The following ASIC2 variants were observed in gnomAD, a reference collection of about 807,000 sequenced individuals.
ASIC2 encodes acid-sensing ion channel 2.
ASIC2 carries 25 observed loss-of-function variants against 57.3 expected under a neutral mutation model. That is an observed-to-expected ratio of 0.44 (90% CI 0.32 to 0.61). The LOEUF is 0.61. ASIC2 is among the 20% of genes least tolerant of loss of function. ASIC2 has a pLI of 0.06. For missense variants in ASIC2, 641 were observed against 738.1 expected (o/e 0.87, Z 1.52); for synonymous variants, 319 against 307.5 (o/e 1.04, Z -0.39).
At chr17:33,774,078 C>T (rs971551322) in intron 1 of ASIC2, among the ~76,000 whole-genome samples, 1 of 152,154 alleles carries the variant, frequency 6.6e-6, no homozygotes, top group African/African-American at 2.4e-5. Flanking sequence ...TTAAATGTCA[C>T]CCAGACAGTA....
intron 8 of ASIC2, among the ~76,000 whole-genome samples, chr17:33,017,024 G>A (rs150198796): frequency 4.3e-4 from 65 of 152,302 alleles, no homozygotes; most frequent in Middle Eastern, 3.4e-3. Context: ...CAGAGGCCTC[G>A]TTCCAGCTGC....
intron 1 of ASIC2, among the ~76,000 whole-genome samples, chr17:34,149,313 C>G (rs993985300): frequency 6.6e-6 from 1 of 151,866 alleles, no homozygotes; most frequent in East Asian, 1.9e-4. Flanking sequence ...TACTATATTG[C>G]CCAGGTTTCT....
chr17:33,715,029 T>C lies in ASIC2; in HGVS notation c.555+440949A>G, dbSNP rs369286734. Among the ~76,000 whole-genome samples, 240 of 148,960 alleles carry C rather than the reference T, an allele frequency of 1.6e-3. 1 individual carries two copies. The highest frequency in any genetic ancestry group is 0.01 in the Middle Eastern group (3 of 286). On this transcript the variant is annotated intron_variant, in intron 1 of 9. Coordinates refer to the ASIC2 transcript ENST00000359872. ...TTATTATTATTTTGAGTCAGGGTTCTCTCTCTGTCACTTTGTCTGAAGTGC... is the reference window on the plus strand; with the variant it reads ...TTATTATTATTTTGAGTCAGGGTTCCCTCTCTGTCACTTTGTCTGAAGTGC...
chr17:33,709,113 C>T (rs1908948865), intron 1 of ASIC2, among the ~76,000 whole-genome samples: 1 of 152,180 alleles, frequency 6.6e-6, no homozygotes, highest in Non-Finnish European at 1.5e-5. Context: ...TCTGGGTCTC[C>T]ATGGAATCCA....
intron 1 of ASIC2, among the ~76,000 whole-genome samples, chr17:33,596,900 G>T (rs575821141): frequency 6.6e-6 from 1 of 152,366 alleles, no homozygotes; most frequent in East Asian, 1.9e-4. Context: ...GAGTACTCCA[G>T]AGAGGTTTAG....
chr17:33,086,400 C>T (rs957471364), intron 3 of ASIC2, among the ~76,000 whole-genome samples: 1 of 152,280 alleles, frequency 6.6e-6, no homozygotes, highest in Non-Finnish European at 1.5e-5. Flanking sequence ...ATTCAACAAG[C>T]CACAAAGTCA....
chr17:33,350,687 AAAAGAAAG>A (rs55667206), intron 1 of ASIC2, among the ~76,000 whole-genome samples: 1 of 145,556 alleles, frequency 6.9e-6, no homozygotes, highest in Admixed American at 6.9e-5. Flanking sequence ...GTGAGAAAAA[AAAAGAAAG>A]AAAGAAAGAA....
At chr17:33,471,033 C>T (rs963564143) in intron 1 of ASIC2, among the ~76,000 whole-genome samples, 2 of 152,172 alleles carry the variant, frequency 1.3e-5, no homozygotes, top group African/African-American at 2.4e-5. Context: ...AGCAAAGATA[C>T]GGTTTGGTCA....
intron 1 of ASIC2, among the ~76,000 whole-genome samples, chr17:33,423,135 A>G (rs899012604): frequency 1.4e-4 from 21 of 152,202 alleles, no homozygotes; most frequent in Admixed American, 9.2e-4. Context: ...GGCCTCGGTC[A>G]TGGCCATACA....
intron 1 of ASIC2, among the ~76,000 whole-genome samples, chr17:33,157,563 T>C (rs577054553): frequency 6.6e-6 from 1 of 152,006 alleles, no homozygotes; most frequent in East Asian, 1.9e-4. Flanking sequence ...CATCCTGGAG[T>C]CACCTTTGAC....
intron 1 of ASIC2, among the ~76,000 whole-genome samples, chr17:33,160,531 C>G (rs986613745): frequency 1.3e-5 from 2 of 152,228 alleles, no homozygotes; most frequent in Admixed American, 1.3e-4. Context: ...TCCAAAGCAG[C>G]TTTTTACACA....
intron 1 of ASIC2, among the ~76,000 whole-genome samples, chr17:34,106,985 G>T (rs902572195): frequency 6.6e-6 from 1 of 151,946 alleles, no homozygotes; most frequent in African/African-American, 2.4e-5. Context: ...ATATGTACAT[G>T]CATATTTACA....
chr17:33,432,402 G>A (rs1335201550), intron 1 of ASIC2, among the ~76,000 whole-genome samples: 2 of 152,150 alleles, frequency 1.3e-5, no homozygotes, highest in African/African-American at 4.8e-5. Flanking sequence ...TGTAGTCCCA[G>A]CTACTCGGGA....
intron 1 of ASIC2, among the ~76,000 whole-genome samples, chr17:33,156,682 G>C (rs901179575): frequency 1.3e-5 from 2 of 151,994 alleles, no homozygotes; most frequent in Non-Finnish European, 2.9e-5. Context: ...CTTGAATCCA[G>C]GAGGCGGAGG....
chr17:33,382,632 T>C (rs879273419), intron 1 of ASIC2, among the ~76,000 whole-genome samples: 7 of 152,190 alleles, frequency 4.6e-5, no homozygotes, highest in Non-Finnish European at 8.8e-5. Context: ...AAACAGCTCA[T>C]TCGATTCCCT....
At chr17:33,287,195 C>T (rs762212565) in intron 1 of ASIC2, among the ~76,000 whole-genome samples, 9 of 152,156 alleles carry the variant, frequency 5.9e-5, no homozygotes, top group Non-Finnish European at 7.3e-5. Context: ...CTCAGATCTC[C>T]GAGGCAGGAA....
intron 1 of ASIC2, among the ~76,000 whole-genome samples, chr17:34,032,265 C>A: frequency 6.6e-6 from 1 of 152,136 alleles, no homozygotes; most frequent in Admixed American, 6.5e-5. Context: ...CCAAACTAAG[C>A]TTCATAAGTG....
chr17:33,884,593 G>T (rs1914782534), intron 1 of ASIC2, among the ~76,000 whole-genome samples: 3 of 151,984 alleles, frequency 2.0e-5, no homozygotes, highest in Admixed American at 2.0e-4. Flanking sequence ...TCAGCATTTT[G>T]TTCTCCCTCT....
chr17:33,049,437 A>G (rs4794937), intron 3 of ASIC2, among the ~76,000 whole-genome samples: 138,605 of 152,268 alleles, frequency 0.91, 63,117 homozygotes, highest in East Asian at 0.95. Context: ...TGTCTATAAC[A>G]TCTTACCATT....
Sources: allele counts gnomAD v4.1 joint callset (sites outside exome capture counted in the v4.1 genomes callset), GRCh38; gene constraint gnomAD v4.1.1; transcripts MANE v1.5; gene names NCBI Gene and HGNC (gene_info 2026-07-23, HGNC 2026-07-21).